The following ABTB2 variants were observed in gnomAD, a reference collection of about 807,000 sequenced individuals.
The protein encoded by ABTB2 is ankyrin repeat and BTB/POZ domain-containing protein 2.
A neutral mutation model predicts 104.1 loss-of-function variants in ABTB2; 56 were observed. The observed-to-expected ratio is 0.54, with a 90% CI of 0.43 to 0.67. ABTB2 has a LOEUF of 0.67. Among genes scored for constraint, ABTB2 ranks in the 30% least tolerant of loss-of-function variants. The pLI is 0.00. For synonymous variants in ABTB2, 606 were observed against 608.2 expected, an observed-to-expected ratio of 1.00 and a Z score of 0.05; for missense variants, 1,279 against 1,407.7, an observed-to-expected ratio of 0.91 and a Z score of 1.46.
chr11:34,223,944 C>A (rs992872480), intron 1 of ABTB2, among the ~76,000 whole-genome samples: 12 of 152,164 alleles, frequency 7.9e-5, no homozygotes, highest in African/African-American at 2.9e-4. Context: ...AATCCAGGAG[C>A]CCAGGACCTC....
At chr11:34,175,877 A>T (rs1475466143) in intron 3 of ABTB2, among the ~76,000 whole-genome samples, 1 of 152,206 alleles carries the variant, frequency 6.6e-6, no homozygotes, top group Non-Finnish European at 1.5e-5. Context: ...TCTATGCATG[A>T]GAACGAACAG....
At chr11:34,299,502 T>C (rs1258688515) in intron 1 of ABTB2, among the ~76,000 whole-genome samples, 3 of 152,196 alleles carry the variant, frequency 2.0e-5, no homozygotes, top group Admixed American at 6.5e-5. Flanking sequence ...AAGGCAGTTG[T>C]TTGCAAAGCC....
chr11:34,235,621 C>A (rs1430102338), intron 1 of ABTB2, among the ~76,000 whole-genome samples: 1 of 152,136 alleles, frequency 6.6e-6, no homozygotes, highest in Admixed American at 6.5e-5. Context: ...TGTGATCCCA[C>A]CTTCCTAAGA....
chr11:34,304,723 G>A (rs906410531), intron 1 of ABTB2, among the ~76,000 whole-genome samples: 1 of 152,128 alleles, frequency 6.6e-6, no homozygotes, highest in Non-Finnish European at 1.5e-5. Context: ...GAGGGAAAGA[G>A]ACTAAGAGGA....
rs201805676 is a variant in ABTB2, at chr11:34,160,001, G to A, written c.2511C>T (p.His837=). 2.5e-6 allele frequency: 4 copies of A among 1,612,720 alleles called. No homozygotes were observed. The highest frequency in any genetic ancestry group is 3.4e-6 in the Non-Finnish European group (4 of 1,179,050). ...RKTLPARLDP[H]FLNNKEMSDV... ...CTGACATCTCCTTATTGTTCAAAAA[G>A]TGTGGATCTGTGAAAAGCGGGGAGA... Residue 837 remains histidine, a synonymous_variant, in exon 13 of 17, where the codon CAC becomes CAT. Coordinates refer to ENST00000435224, the MANE Select transcript of ABTB2 (RefSeq NM_145804.3).
intron 1 of ABTB2, among the ~76,000 whole-genome samples, chr11:34,255,897 C>T (rs1854116857): frequency 6.6e-6 from 1 of 152,174 alleles, no homozygotes; most frequent in Admixed American, 6.5e-5. Flanking sequence ...GAAATGTGAT[C>T]CCACAATGGC....
intron 1 of ABTB2, among the ~76,000 whole-genome samples, chr11:34,270,744 C>T (rs994480831): frequency 6.6e-6 from 1 of 152,160 alleles, no homozygotes; most frequent in African/African-American, 2.4e-5. Flanking sequence ...ACAGCATTTG[C>T]CTATCTAGAG....
intron 1 of ABTB2, among the ~76,000 whole-genome samples, chr11:34,309,165 C>T (rs1854819636): frequency 6.6e-6 from 1 of 152,222 alleles, no homozygotes; most frequent in Non-Finnish European, 1.5e-5. Flanking sequence ...AATGTGTTCA[C>T]ATGGACGTGT....
chr11:34,255,692 A>G (rs1854113420), intron 1 of ABTB2, among the ~76,000 whole-genome samples: 1 of 152,156 alleles, frequency 6.6e-6, no homozygotes, highest in East Asian at 1.9e-4. Context: ...TAATTTTTAT[A>G]TTTTTGTAGA....
intron 1 of ABTB2, among the ~76,000 whole-genome samples, chr11:34,229,437 C>T (rs1853739513): frequency 6.7e-6 from 1 of 148,854 alleles, no homozygotes; most frequent in Admixed American, 6.7e-5. Flanking sequence ...GCAGAGATCG[C>T]ACCACTGCAC....
At position 34,180,146 on chromosome 11, in the gene ABTB2, C is replaced by G. The variant is rs185985470; in HGVS notation, c.1245-6839G>C. 3.4e-4 allele frequency among the ~76,000 whole-genome samples: 52 copies of G among 152,344 alleles called. 1 individual carries two copies. The highest frequency in any genetic ancestry group is 2.4e-3 in the Admixed American group (36 of 15,306). On this transcript the variant is annotated intron_variant, in intron 3 of 16. Transcript: ENST00000435224. ...TCCAGCCAACTCTTTGCCTTCCCCC[C>G]ACAGCAAGTATAAACATGTAAAGCC... is the stretch of plus-strand genomic sequence containing the variant.
At chr11:34,268,749 C>G (rs979986926) in intron 1 of ABTB2, among the ~76,000 whole-genome samples, 1 of 152,118 alleles carries the variant, frequency 6.6e-6, no homozygotes, top group African/African-American at 2.4e-5. Context: ...CTCTGGGACC[C>G]TGGTAAGTTT....
intron 1 of ABTB2, among the ~76,000 whole-genome samples, chr11:34,312,613 A>G (rs1452046749): frequency 5.3e-5 from 8 of 152,332 alleles, no homozygotes; most frequent in African/African-American, 1.7e-4. Context: ...TTGGTTTGCA[A>G]TCCTCAGAGT....
intron 10 of ABTB2, among the ~76,000 whole-genome samples, chr11:34,161,597 G>A (rs1189091351): frequency 6.6e-6 from 1 of 152,164 alleles, no homozygotes; most frequent in Admixed American, 6.5e-5. Context: ...GTCCTATCAC[G>A]AGGGGCTCTC....
chr11:34,325,720 G>A (rs1208624194), intron 1 of ABTB2, among the ~76,000 whole-genome samples: 1 of 152,056 alleles, frequency 6.6e-6, no homozygotes, highest in African/African-American at 2.4e-5. Context: ...GGAGATTGAG[G>A]CAGGCAGATC....
intron 4 of ABTB2, 110 bp downstream of exon 4, chr11:34,173,045 A>G (rs1852905739): frequency 1.5e-6 from 2 of 1,361,132 alleles, no homozygotes; most frequent in South Asian, 2.6e-5. Flanking sequence ...AATGTGCTGC[A>G]GCCCCTGCTC....
chr11:34,329,509 G>A (rs924339828), intron 1 of ABTB2, among the ~76,000 whole-genome samples: 4 of 152,206 alleles, frequency 2.6e-5, no homozygotes, highest in Non-Finnish European at 4.4e-5. Flanking sequence ...GGAGCATGTG[G>A]TTATGGACTA....
At position 34,357,468 on chromosome 11, in the gene ABTB2, G is replaced by A. The variant is rs1220121541; in HGVS notation, c.116C>T (p.Ser39Leu). 1.3e-6 allele frequency: 2 copies of A among 1,547,202 alleles called. No homozygotes were observed. The highest frequency in any genetic ancestry group is 3.9e-5 in the Admixed American group (2 of 51,012). Residue 39 changes from serine to leucine, a missense_variant, in exon 1 of 17, where the codon TCG (serine) becomes TTG (leucine). Physicochemically the swap from Ser to Leu is moderately radical, Grantham distance 145 (BLOSUM62 -2). Coordinates refer to ENST00000435224, the MANE Select transcript of ABTB2 (RefSeq NM_145804.3). ...SLSLSSSKSN[S>L]QALNSSAQQH... Reference sequence around the variant, plus strand: ...CTGCGCCGAAGAGTTGAGCGCCTGCGAGTTGGACTTGGAGGACGAGAGGCT... The same window carrying A: ...CTGCGCCGAAGAGTTGAGCGCCTGCAAGTTGGACTTGGAGGACGAGAGGCT...
chr11:34,151,136 A>G lies in ABTB2; in HGVS notation c.*1251T>C, dbSNP rs1198102627. The G allele has an allele frequency of 6.6e-6, 1 of 152,632 alleles. No individual in the cohort carries two copies. Among genetic ancestry groups the G allele is most frequent in the Non-Finnish European group, 1.5e-5 (1 of 68,038 alleles). 9.5% of individuals were successfully genotyped at this position (152,632 alleles called of 1,614,324 possible). A position where few individuals can be genotyped will look rare whatever the true frequency, so the allele number is the denominator to read the frequency against. On this transcript the variant is annotated 3_prime_UTR_variant, in exon 17 of 17. Transcript: ENST00000435224. The stretch of plus-strand genomic sequence containing the variant: ...ATCCAGCCAAGCAGCTAGTCAAAAT[A>G]TTTTCCAGAATTGCAAGCCCCTGGG...
Sources: gnomAD v4.1 joint callset for allele counts (sites outside exome capture counted in the v4.1 genomes callset) on GRCh38, gnomAD v4.1.1 for gene constraint, MANE v1.5 for transcripts, NCBI Gene and HGNC (gene_info 2026-07-23, HGNC 2026-07-21) for gene names.